The following STAP2 variants were observed in gnomAD, a reference collection of about 807,000 sequenced individuals.
STAP2 encodes signal-transducing adaptor protein 2.
In STAP2, 58 loss-of-function variants were observed where a neutral mutation model predicts 52.7. The observed-to-expected ratio is 1.10, with a 90% confidence interval of 0.89 to 1.37. STAP2 has a LOEUF of 1.37. STAP2 is among the 40% of genes most tolerant of loss of function. The pLI is 0.00. For synonymous variants in STAP2, 231 were observed against 210.5 expected, an observed-to-expected ratio of 1.10 and a Z score of -0.84; for missense variants, 522 against 519.4, an observed-to-expected ratio of 1.00 and a Z score of -0.05.
intron 6 of STAP2, 21 bp from the exon 7 acceptor site, chr19:4,327,406 T>G (rs1971813022): frequency 8.1e-6 from 13 of 1,613,648 alleles, no homozygotes; most frequent in Non-Finnish European, 1.1e-5. Flanking sequence ...AGAAAGCGAG[T>G]GAGTGGCTCA....
intron 1 of STAP2, among the ~76,000 whole-genome samples, 185 bp from the exon 2 acceptor site, chr19:4,334,229 C>G (rs1016700833): frequency 6.6e-6 from 1 of 152,138 alleles, no homozygotes; most frequent in Non-Finnish European, 1.5e-5. Context: ...CCTCCCCACC[C>G]ATGGCCCAGC....
intron 6 of STAP2, 45 bp downstream of exon 6, chr19:4,328,630 T>TCCCCCCCCCCCC: frequency 6.5e-7 from 1 of 1,541,502 alleles, no homozygotes; most frequent in Non-Finnish European, 8.8e-7. Context: ...CCCACCCTCT[T>TCCCCCCCCCCCC]CCCACCCTCC....
At chr19:4,331,985 G>A (rs1313925146) in intron 4 of STAP2, 37 bp downstream of exon 4, 3 of 1,591,342 alleles carry the variant, frequency 1.9e-6, no homozygotes. Flanking sequence ...GAGATCTGGA[G>A]AATGGGAGAG....
chr19:4,329,204 A>G (rs1308761942), intron 5 of STAP2, among the ~76,000 whole-genome samples: 3 of 151,328 alleles, frequency 2.0e-5, no homozygotes, highest in Admixed American at 2.0e-4. Context: ...ACCTCAGGTG[A>G]TCCGCCCGCC....
chr19:4,325,742 G>C (rs568030775), intron 9 of STAP2, among the ~76,000 whole-genome samples, 197 bp from the exon 10 acceptor site: 118 of 152,306 alleles, frequency 7.7e-4, no homozygotes, highest in African/African-American at 2.6e-3. Flanking sequence ...AGGCCAGGGT[G>C]GGCGGATCAC....
chr19:4,338,211 T>G (rs1252575582), intron 1 of STAP2: 3 of 166,248 alleles, frequency 1.8e-5, no homozygotes, highest in African/African-American at 4.8e-5. Flanking sequence ...TCCTCACATG[T>G]CACCTGTCCT....
At position 4,327,313 on chromosome 19, in the gene STAP2, C is replaced by T. The variant is rs767978843; in HGVS notation, c.660+3G>A. The stretch of plus-strand genomic sequence containing the variant: ...CTTCTAGGGACTCTGGCCCAACGCT[C>T]ACCGGCTGTTCCACATCGATCACGT... On this transcript the variant is annotated splice_donor_region_variant and intron_variant, in intron 7 of 12. Coordinates refer to ENST00000594605, the MANE Select transcript of STAP2 (RefSeq NM_001013841.2). 1.6e-5 allele frequency: 26 copies of T among 1,614,162 alleles called. No homozygotes were observed. The Admixed American group carries it at 4.3e-4, about 27-fold the overall frequency.
At chr19:4,332,270 C>T (rs1365739085) in intron 3 of STAP2, among the ~76,000 whole-genome samples, 192 bp from the exon 4 acceptor site, 4 of 134,468 alleles carry the variant, frequency 3.0e-5, no homozygotes, top group Non-Finnish European at 6.1e-5. Flanking sequence ...TACAGTGGCG[C>T]GATCTCAGCT....
At chr19:4,334,101 T>TGAAAG in intron 1 of STAP2, 57 bp from the exon 2 acceptor site, 1 of 1,476,142 alleles carries the variant, frequency 6.8e-7, no homozygotes, top group Non-Finnish European at 9.3e-7. Context: ...GTGCCTTTCA[T>TGAAAG]GTACTCAATC....
chr19:4,333,128 T>G (rs543359468), intron 3 of STAP2, among the ~76,000 whole-genome samples: 1 of 151,852 alleles, frequency 6.6e-6, no homozygotes, highest in African/African-American at 2.4e-5. Context: ...AGGCAGAGGT[T>G]GTAGTGAGCC....
intron 1 of STAP2, among the ~76,000 whole-genome samples, chr19:4,337,908 T>TA (rs1189366939): frequency 4.6e-5 from 7 of 152,030 alleles, no homozygotes; most frequent in Non-Finnish European, 8.8e-5. Context: ...TGGTCCCAGC[T>TA]ACTCAGGAGG....
rs574589076 is a variant in STAP2 at position 4,329,794 on chromosome 19, G to A, written c.455+167C>T. ...CTGGAGATCCTGCCCTGCCTCCCCA[G>A]CATGGGCCATAACTCCCCCTCCCCC... is the stretch of plus-strand genomic sequence containing the variant. On this transcript the variant is annotated intron_variant, in intron 5 of 12. Transcript: ENST00000594605. Among the ~76,000 whole-genome samples, 3 of 151,496 alleles carry A rather than the reference G, an allele frequency of 2.0e-5. No individual in the cohort carries two copies. In the East Asian group the frequency reaches 5.8e-4, roughly 29 times the overall value.
chr19:4,337,514 G>A (rs1971998696), intron 1 of STAP2, among the ~76,000 whole-genome samples: 1 of 144,270 alleles, frequency 6.9e-6, no homozygotes, highest in Admixed American at 7.0e-5. Context: ...TTACAGGTGT[G>A]ACCCACTGCG....
intron 1 of STAP2, among the ~76,000 whole-genome samples, chr19:4,336,664 C>T (rs941313462): frequency 2.7e-5 from 4 of 149,856 alleles, no homozygotes; most frequent in South Asian, 2.1e-4. Context: ...AGAGCAGTCT[C>T]GCTCTTGTCC....
In STAP2 at chr19:4,328,705, ACGCCGTCGG is replaced by A; in HGVS notation, c.551_559del (p.Ala184_Gly186del). On this transcript the variant is annotated inframe_deletion, in exon 6 of 13. Coordinates refer to ENST00000594605, the MANE Select transcript of STAP2 (RefSeq NM_001013841.2). ...GTGCATCTGCCGCGTGGTGACCGACACGCCGTCGGCGCCGTCCCCGCTGGGCCGCAGCAG... is the reference window on the plus strand; with the variant it reads ...GTGCATCTGCCGCGTGGTGACCGACACGCCGTCCCCGCTGGGCCGCAGCAG... The A allele has an allele frequency of 6.9e-6, 11 of 1,603,290 alleles. No individual in the cohort carries two copies. Among genetic ancestry groups the A allele is most frequent in the Non-Finnish European group, 9.3e-6 (11 of 1,176,492 alleles).
rs1329113297 is a variant in STAP2 at position 4,333,489 on chromosome 19, TG to T, written c.297+204del. On this transcript the variant is annotated intron_variant, in intron 3 of 12. Coordinates refer to ENST00000594605, the MANE Select transcript of STAP2 (RefSeq NM_001013841.2). Reference sequence around the variant, plus strand: ...CCAGCCTGGGTGACAGGGCGAGACTTGGTCTCAAAAAAAAAGTAATAAAATA... The same window carrying T: ...CCAGCCTGGGTGACAGGGCGAGACTTGTCTCAAAAAAAAAGTAATAAAATA... Among the ~76,000 whole-genome samples the T allele has an allele frequency of 4.6e-5, 7 of 152,090 alleles. No homozygotes were observed. The East Asian group carries it at 1.4e-3, about 29-fold the overall frequency.
chr19:4,327,469 C>A (rs1417494541), intron 6 of STAP2, 84 bp from the exon 7 acceptor site: 1 of 1,460,482 alleles, frequency 6.8e-7, no homozygotes, highest in African/African-American at 1.4e-5. Context: ...ACTCCAGGCT[C>A]CGCCTCCAAT....
intron 5 of STAP2, chr19:4,329,086 C>T (rs1434930338): frequency 2.7e-5 from 11 of 400,236 alleles, no homozygotes; most frequent in Non-Finnish European, 4.0e-5. Context: ...CCGCAACCTC[C>T]GCCTCCCGGG....
chr19:4,338,678 G>C lies in STAP2; in HGVS notation c.76C>G (p.Leu26Val). The change falls in exon 1 of 13, where the codon CTA becomes GTA. Residue 26 changes from leucine (L) to valine (V), a missense_variant. Coordinates refer to ENST00000594605, the MANE Select transcript of STAP2 (RefSeq NM_001013841.2). ...CGGTCACAGGGCCCCTTCTTCTCTA[G>C]AAAGCTCTCATAGTAGTGTGAAGGC... ...VLPSHYYESF[L>V]EKKGPCDRDY... is the part of the protein sequence containing the mutation. 1 of 1,612,958 alleles carries C rather than the reference G, an allele frequency of 6.2e-7. No individual in the cohort carries two copies.
Sources: gnomAD v4.1 joint callset for allele counts (sites outside exome capture counted in the v4.1 genomes callset) on GRCh38, gnomAD v4.1.1 for gene constraint, MANE v1.5 for transcripts, NCBI Gene and HGNC (gene_info 2026-07-23, HGNC 2026-07-21) for gene names.